RNF157: variants seen among roughly 807,000 people sequenced by gnomAD.
The protein encoded by RNF157 is ring finger protein 157.
Under a neutral mutation model 88.3 loss-of-function variants are expected in RNF157, and 55 were observed. The observed-to-expected ratio is 0.62, with a 90% CI of 0.50 to 0.78. The LOEUF (loss-of-function observed/expected upper bound fraction) is 0.78, where lower values mean the gene tolerates loss of function less well. RNF157 is among the 30% of genes least tolerant of loss of function. The pLI is 0.00. For missense variants in RNF157, 788 were observed against 860.8 expected, an observed-to-expected ratio of 0.92 and a Z score of 1.06; for synonymous variants, 334 against 341.2, an observed-to-expected ratio of 0.98 and a Z score of 0.23.
intron 1 of RNF157, among the ~76,000 whole-genome samples, chr17:76,236,767 TG>T: frequency 6.6e-6 from 1 of 152,336 alleles, no homozygotes; most frequent in South Asian, 2.1e-4. Context: ...GGCATATGCA[TG>T]CAGAGGAATA....
intron 2 of RNF157, among the ~76,000 whole-genome samples, chr17:76,182,167 A>G (rs1598409936): frequency 6.6e-6 from 1 of 152,238 alleles, no homozygotes; most frequent in East Asian, 1.9e-4. Context: ...TCTGAGAATA[A>G]CTTAAATCCC....
intron 8 of RNF157, chr17:76,163,244 G>C (rs909451388): frequency 6.7e-6 from 1 of 148,414 alleles, no homozygotes. Flanking sequence ...CCAGGCTGGA[G>C]TGCAGTGGCA....
At chr17:76,183,109 G>A (rs919355834) in intron 2 of RNF157, among the ~76,000 whole-genome samples, 10 of 151,324 alleles carry the variant, frequency 6.6e-5, no homozygotes, top group Non-Finnish European at 1.0e-4. Flanking sequence ...TAATTTTTTT[G>A]TATTTTTAGT....
chr17:76,154,092 T>A, intron 17 of RNF157, 191 bp downstream of exon 17: 1 of 603,406 alleles, frequency 1.7e-6, no homozygotes, highest in South Asian at 1.8e-5. Context: ...CAGAAAGAGC[T>A]GAGGAGGTCA....
intron 1 of RNF157, among the ~76,000 whole-genome samples, chr17:76,238,849 C>A (rs2070325340): frequency 6.6e-6 from 1 of 152,210 alleles, no homozygotes; most frequent in Non-Finnish European, 1.5e-5. Context: ...ATACTAACGA[C>A]CCACAGCTTT....
chr17:76,240,218 T>C lies in RNF157; in HGVS notation c.23A>G (p.Gln8Arg), dbSNP rs1356186014. 7.9e-6 allele frequency: 11 copies of C among 1,388,048 alleles called. No homozygotes were observed. Among genetic ancestry groups the C allele is most frequent in the Non-Finnish European group, 1.0e-5 (11 of 1,055,492 alleles). 86.0% of individuals were successfully genotyped at this position (1,388,048 alleles called of 1,614,324 possible). ...GTCCACCTCCTCCACGCCCGCGTGC[T>C]GCCGGCTCGTCAGGGCCCCCATGGC... The part of the protein sequence containing the change: MGALTSR[Q>R]HAGVEEVDIP... Residue 8 changes from glutamine (Q) to arginine (R), a missense_variant, in exon 1 of 19, where the codon CAG becomes CGG. Transcript: ENST00000269391. This position sits in a 1 kb window ranked among gnomAD's most constrained non-coding sequence, Gnocchi z 4.4.
At chr17:76,147,842 T>C (rs1168192585) in intron 18 of RNF157, among the ~76,000 whole-genome samples, 1 of 152,192 alleles carries the variant, frequency 6.6e-6, no homozygotes, top group Non-Finnish European at 1.5e-5. Context: ...TCAAAATCCT[T>C]AGAGGGAAAT....
chr17:76,192,777 A>T (rs549110136), intron 2 of RNF157, among the ~76,000 whole-genome samples: 1 of 152,246 alleles, frequency 6.6e-6, no homozygotes, highest in African/African-American at 2.4e-5. Context: ...TGATTTAATA[A>T]AACAAGTATG....
rs141820443 is a variant in RNF157, at chr17:76,190,093, T to C, written c.208-16303A>G. On this transcript the variant is annotated intron_variant, in intron 2 of 18. Transcript: ENST00000269391. The stretch of plus-strand genomic sequence containing the variant: ...GTGGAATTGTGGAGACAAATAACTT[T>C]GTAAAGGGTAGATGTGACCCACTGA... Among the ~76,000 whole-genome samples the C allele has an allele frequency of 2.8e-3, 430 of 152,052 alleles. 4 individuals carry two copies. Among genetic ancestry groups the C allele is most frequent in the African/African-American group, 9.8e-3 (408 of 41,482 alleles).
chr17:76,161,522 G>C lies in RNF157; in HGVS notation c.1065+13C>G. ...TTTGCTTCAGAGGGGCCGTGGTTCCGAGCCCAACTTACTGGATGCTCTTCA... is the reference window on the plus strand; with the variant it reads ...TTTGCTTCAGAGGGGCCGTGGTTCCCAGCCCAACTTACTGGATGCTCTTCA... On this transcript the variant is annotated intron_variant, in intron 11 of 18. Transcript: ENST00000269391. This position sits in a 1 kb window ranked among gnomAD's most constrained non-coding sequence, Gnocchi z 4.6. 4.4e-6 allele frequency: 7 copies of C among 1,599,940 alleles called. No individual in the cohort carries two copies. The highest frequency in any genetic ancestry group is 6.0e-6 in the Non-Finnish European group (7 of 1,167,216).
At position 76,230,894 on chromosome 17, in the gene RNF157, A is replaced by AAG. The variant is rs146245620; in HGVS notation, c.88+9257_88+9258dup. On this transcript the variant is annotated intron_variant, in intron 1 of 18. Coordinates refer to ENST00000269391, the MANE Select transcript of RNF157 (RefSeq NM_052916.3). ...AGAGAGAGAGAAAGAGAAAGAGAGAAAGAGAGAGAGAGAGACTTTTCTTAG... is the reference window on the plus strand; with the variant it reads ...AGAGAGAGAGAAAGAGAAAGAGAGAAAGAGAGAGAGAGAGAGACTTTTCTTAG... Among the ~76,000 whole-genome samples, 627 of 142,460 alleles carry AAG rather than the reference A, an allele frequency of 4.4e-3. 3 individuals are homozygous for AAG. The highest frequency in any genetic ancestry group is 7.3e-3 in the South Asian group (33 of 4,492). The allele number at this position is 142,460 out of a possible 152,430, so 93.5% of individuals were successfully genotyped here.
intron 1 of RNF157, among the ~76,000 whole-genome samples, chr17:76,235,594 T>C (rs1488000493): frequency 1.3e-5 from 2 of 152,240 alleles, no homozygotes; most frequent in Non-Finnish European, 2.9e-5. Flanking sequence ...TTATAGTTAT[T>C]CGACAAAGAC....
intron 3 of RNF157, among the ~76,000 whole-genome samples, chr17:76,171,236 T>A (rs1471926307): frequency 6.6e-6 from 1 of 151,400 alleles, no homozygotes; most frequent in Non-Finnish European, 1.5e-5. Context: ...TCACCCAGAG[T>A]GGAGTGCAGT....
In RNF157 at chr17:76,161,559, C is replaced by G. The variant is rs1273580082; in HGVS notation, c.1041G>C (p.Gln347His). The stretch of plus-strand genomic sequence containing the variant: ...CTGGATGCTCTTCAGAGTCAGATGT[C>G]TGGGATGAGATGATGGGGTTAAAGC... ...PTSFNPIISS[Q>H]TSDSEEHPSS... Residue 347 changes from glutamine (Q) to histidine (H), a missense_variant, in exon 11 of 19, where the codon CAG becomes CAC. By Grantham distance (24) the Gln-to-His change is conservative. Coordinates refer to ENST00000269391, the MANE Select transcript of RNF157 (RefSeq NM_052916.3). This position sits in a 1 kb window ranked among gnomAD's most constrained non-coding sequence, Gnocchi z 4.6. 1 of 1,614,104 alleles carries G rather than the reference C, an allele frequency of 6.2e-7. No individual in the cohort carries two copies. Among genetic ancestry groups the G allele is most frequent in the East Asian group, 2.2e-5 (1 of 44,882 alleles).
intron 1 of RNF157, among the ~76,000 whole-genome samples, chr17:76,234,526 T>C (rs1020711285): frequency 6.6e-6 from 1 of 152,214 alleles, no homozygotes; most frequent in Non-Finnish European, 1.5e-5. Context: ...TCCTTACCAG[T>C]ACTCGTCATT....
At chr17:76,174,982 A>C (rs1309065040) in intron 2 of RNF157, among the ~76,000 whole-genome samples, 2 of 152,246 alleles carry the variant, frequency 1.3e-5, no homozygotes, top group African/African-American at 4.8e-5. Flanking sequence ...GTTTAAGCAG[A>C]AAACTTGAAA....
At chr17:76,213,372 C>G (rs2069834593) in intron 1 of RNF157, among the ~76,000 whole-genome samples, 1 of 151,962 alleles carries the variant, frequency 6.6e-6, no homozygotes, top group Non-Finnish European at 1.5e-5. Flanking sequence ...GAGTTAGAGA[C>G]CAGCCTGGCC....
At chr17:76,214,971 C>T (rs10512607) in intron 1 of RNF157, among the ~76,000 whole-genome samples, 45,713 of 151,924 alleles carry the variant, frequency 0.3, 7,520 homozygotes, top group East Asian at 0.46. Flanking sequence ...TCTAATTCTC[C>T]CATGAAGGTA....
In RNF157 at chr17:76,173,666, G is replaced by A. The variant is rs2069055538; in HGVS notation, c.296+36C>T. On this transcript the variant is annotated intron_variant, in intron 3 of 18. Coordinates refer to ENST00000269391, the MANE Select transcript of RNF157 (RefSeq NM_052916.3). ...CAGCCCCCAGCCTCCCCAAAGGAAGGTGCCTGGGACCTGGCCCCAGCCTCT... is the reference window on the plus strand; with the variant it reads ...CAGCCCCCAGCCTCCCCAAAGGAAGATGCCTGGGACCTGGCCCCAGCCTCT... 3 of 1,519,582 alleles carry A rather than the reference G, an allele frequency of 2.0e-6. No homozygotes were observed. The East Asian group carries it at 7.0e-5, about 35-fold the overall frequency. The allele number at this position is 1,519,582 out of a possible 1,614,324, so 94.1% of individuals were successfully genotyped here. A position where few individuals can be genotyped will look rare whatever the true frequency, so the allele number is the denominator to read the frequency against.
Sources: allele counts gnomAD v4.1 joint callset (sites outside exome capture counted in the v4.1 genomes callset), GRCh38; gene constraint gnomAD v4.1.1; non-coding constraint Gnocchi (gnomAD v3.1); transcripts MANE v1.5; gene names NCBI Gene and HGNC (gene_info 2026-07-23, HGNC 2026-07-21).